VDAC1: variants seen among roughly 807,000 people sequenced by gnomAD.
VDAC1 encodes the protein non-selective voltage-gated ion channel VDAC1.
VDAC1 carries 10 observed loss-of-function variants against 34.7 expected under a neutral mutation model. The observed-to-expected ratio is 0.29, with a 90% CI of 0.18 to 0.49. The LOEUF is 0.49. Among genes scored for constraint, VDAC1 ranks in the 20% least tolerant of loss-of-function variants. VDAC1 has a pLI of 0.99. For synonymous variants in VDAC1, 130 were observed against 136.0 expected, an observed-to-expected ratio of 0.96 and a Z score of 0.30; for missense variants, 230 against 347.9, an observed-to-expected ratio of 0.66 and a Z score of 2.69.
intron 8 of VDAC1, 26 bp downstream of exon 8, chr5:133,973,765 C>T (rs199569040): frequency 1.0e-4 from 161 of 1,603,260 alleles, no homozygotes; most frequent in Non-Finnish European, 1.3e-4. Flanking sequence ...GATAAAGAAC[C>T]GATTTCACAC....
chr5:133,980,998 C>T (rs757123742), intron 5 of VDAC1, 42 bp from the exon 6 acceptor site: 5 of 1,511,270 alleles, frequency 3.3e-6, no homozygotes, highest in Non-Finnish European at 4.5e-6. Flanking sequence ...AGCTAACTCA[C>T]CTTGAAATGC....
chr5:133,974,350 T>G (rs1210575401), intron 7 of VDAC1, among the ~76,000 whole-genome samples: 1 of 152,196 alleles, frequency 6.6e-6, no homozygotes, highest in Non-Finnish European at 1.5e-5. Flanking sequence ...AAAAACTGTG[T>G]AGTAGTTCGA....
At chr5:134,027,668 T>C in the VDAC1 span, among the ~76,000 whole-genome samples, 1 of 152,030 alleles carries the variant, frequency 6.6e-6, no homozygotes, top group Non-Finnish European at 1.5e-5. Context: ...ACACTAACTT[T>C]CATTTGTTTC....
At chr5:134,098,675 C>G in the VDAC1 span, among the ~76,000 whole-genome samples, 1 of 152,240 alleles carries the variant, frequency 6.6e-6, no homozygotes, top group Non-Finnish European at 1.5e-5. Context: ...TCTAGGCCTT[C>G]TGCATGAGCT....
the VDAC1 span, among the ~76,000 whole-genome samples, chr5:134,077,276 CA>C: frequency 5.9e-3 from 598 of 101,122 alleles, 6 homozygotes; most frequent in African/African-American, 0.018. Context: ...GACTCCATCT[CA>C]AAAAAAAAAA....
the VDAC1 span, among the ~76,000 whole-genome samples, chr5:134,103,764 G>A: frequency 6.6e-6 from 1 of 152,244 alleles, no homozygotes; most frequent in African/African-American, 2.4e-5. Context: ...ACACAAGCGT[G>A]AGTAGTTCAG....
the VDAC1 span, among the ~76,000 whole-genome samples, chr5:134,096,797 T>C: frequency 6.6e-6 from 1 of 152,176 alleles, no homozygotes; most frequent in Non-Finnish European, 1.5e-5. Flanking sequence ...TTTTTCATGT[T>C]GCCCAGGCTG....
chr5:134,088,253 G>C, the VDAC1 span, among the ~76,000 whole-genome samples: 12 of 152,228 alleles, frequency 7.9e-5, no homozygotes. Flanking sequence ...AAGGGAACCT[G>C]TCCCCAGAGC....
At chr5:134,039,599 G>A in the VDAC1 span, among the ~76,000 whole-genome samples, 4 of 152,198 alleles carry the variant, frequency 2.6e-5, no homozygotes, top group Non-Finnish European at 5.9e-5. Context: ...AAAGTGCTGG[G>A]ATTACAGGCG....
At chr5:134,006,361 C>T (rs1753750275), upstream of VDAC1, among the ~76,000 whole-genome samples, 1 of 152,154 alleles carries the variant, frequency 6.6e-6, no homozygotes, top group African/African-American at 2.4e-5. Context: ...GGGCTAGGAA[C>T]AGATGCCGGT....
chr5:134,016,179 G>A, the VDAC1 span, among the ~76,000 whole-genome samples: 3 of 152,206 alleles, frequency 2.0e-5, no homozygotes, highest in Admixed American at 2.0e-4. Context: ...GATTCTTGCT[G>A]CATAAGACAG....
At chr5:133,987,725 G>A (rs184207767) in intron 5 of VDAC1, among the ~76,000 whole-genome samples, 1 of 152,326 alleles carries the variant, frequency 6.6e-6, no homozygotes, top group African/African-American at 2.4e-5. Context: ...AAAGTATGAT[G>A]AGAAATAGAA....
At chr5:134,098,489 T>C in the VDAC1 span, among the ~76,000 whole-genome samples, 1 of 152,140 alleles carries the variant, frequency 6.6e-6, no homozygotes, top group East Asian at 1.9e-4. Context: ...CCTCCCAAAG[T>C]GCTGGGATTA....
the VDAC1 span, among the ~76,000 whole-genome samples, chr5:134,054,604 C>T: frequency 3.9e-5 from 6 of 152,004 alleles, no homozygotes; most frequent in Non-Finnish European, 7.4e-5. Flanking sequence ...TAATTACAGG[C>T]GCCCATCGTC....
the VDAC1 span, among the ~76,000 whole-genome samples, chr5:134,012,499 G>C: frequency 0.58 from 88,434 of 152,062 alleles, 25,910 homozygotes; most frequent in Admixed American, 0.62. Context: ...GAAGGCAGAG[G>C]TTTTGAAATG....
the VDAC1 span, among the ~76,000 whole-genome samples, chr5:134,023,261 T>A: frequency 1.3e-5 from 2 of 151,464 alleles, no homozygotes; most frequent in Non-Finnish European, 2.9e-5. Context: ...CACTCATAAG[T>A]GGGAGTTGAA....
Position 133,979,424 on chromosome 5 carries a change from C to CTTTTTTTTTT in VDAC1, c.551+1295_551+1304dup, listed in dbSNP as rs71581380. 3.2e-3 allele frequency among the ~76,000 whole-genome samples: 262 copies of CTTTTTTTTTT among 81,002 alleles called. 15 individuals carry two copies. The highest frequency in any genetic ancestry group is 0.017 in the Middle Eastern group (1 of 60). 53.1% of individuals were successfully genotyped at this position (81,002 alleles called of 152,430 possible). ...TATAATAAAATTGATATTTTCTTTG[C>CTTTTTTTTTT]TTTTTTTTTTTTTTTTTTTTTTTGA... On this transcript the variant is annotated intron_variant, in intron 6 of 8. Transcript: ENST00000265333.
At chr5:134,101,197 C>T in the VDAC1 span, among the ~76,000 whole-genome samples, 1 of 152,240 alleles carries the variant, frequency 6.6e-6, no homozygotes, top group Non-Finnish European at 1.5e-5. Flanking sequence ...AGCATGGCTT[C>T]AAATCCTGCT....
the VDAC1 span, among the ~76,000 whole-genome samples, chr5:134,045,923 G>T: frequency 7.4e-4 from 112 of 151,832 alleles, 1 homozygote; most frequent in Middle Eastern, 0.017. Context: ...GACCTCAGGT[G>T]ATCTGCCCAC....
Sources: allele counts gnomAD v4.1 joint callset (sites outside exome capture counted in the v4.1 genomes callset), GRCh38; gene constraint gnomAD v4.1.1; transcripts MANE v1.5; gene names NCBI Gene and HGNC (gene_info 2026-07-23, HGNC 2026-07-21).